Variants in SKAP2 observed in about 807,000 individuals in gnomAD.
SKAP2 encodes src kinase associated phosphoprotein 2, also known as src kinase-associated phosphoprotein 2.
In SKAP2, 28 loss-of-function variants were observed where a neutral mutation model predicts 54.9. That is an observed-to-expected ratio of 0.51 (90% CI 0.38 to 0.70). The LOEUF (loss-of-function observed/expected upper bound fraction) is 0.70, where lower values mean the gene tolerates loss of function less well. Ranked by LOEUF, SKAP2 falls within the 30% of genes least tolerant of loss-of-function variation. SKAP2 has a pLI of 0.00. For missense variants in SKAP2, 356 were observed against 424.1 expected (o/e 0.84, Z 1.41); for synonymous variants, 137 against 134.3 (o/e 1.02, Z -0.14).
At chr7:26,704,826 T>C (rs1373064747) in intron 9 of SKAP2, among the ~76,000 whole-genome samples, 1 of 152,184 alleles carries the variant, frequency 6.6e-6, no homozygotes, top group Non-Finnish European at 1.5e-5. Context: ...AGAATAAAAA[T>C]TTGAGCTCAA....
intron 4 of SKAP2, among the ~76,000 whole-genome samples, chr7:26,833,210 C>T (rs1345713522): frequency 2.0e-5 from 3 of 151,110 alleles, no homozygotes; most frequent in African/African-American, 2.4e-5. Context: ...CTGGCTAACA[C>T]GGTGAAACCC....
intron 9 of SKAP2, among the ~76,000 whole-genome samples, chr7:26,704,663 G>T (rs898215316): frequency 6.6e-6 from 1 of 152,146 alleles, no homozygotes; most frequent in African/African-American, 2.4e-5. Context: ...AGATGTGCTA[G>T]AACTAGTATA....
At chr7:26,750,546 G>A (rs1057287446) in intron 4 of SKAP2, among the ~76,000 whole-genome samples, 2 of 151,886 alleles carry the variant, frequency 1.3e-5, no homozygotes, top group Admixed American at 1.3e-4. Flanking sequence ...CCTGACCTCA[G>A]CTGATCCACC....
At chr7:26,690,218 A>T in intron 10 of SKAP2, 67 bp downstream of exon 10, 8 of 1,157,952 alleles carry the variant, frequency 6.9e-6, no homozygotes, top group Non-Finnish European at 9.1e-6. Flanking sequence ...GAACAGTAAG[A>T]ACATGGATAA....
intron 10 of SKAP2, among the ~76,000 whole-genome samples, chr7:26,686,738 T>C (rs1786651561): frequency 6.6e-6 from 1 of 152,196 alleles, no homozygotes; most frequent in African/African-American, 2.4e-5. Context: ...CCTTGCAGTC[T>C]GTCAGTGTCA....
At chr7:26,753,650 G>C (rs1782731402) in intron 4 of SKAP2, among the ~76,000 whole-genome samples, 1 of 152,152 alleles carries the variant, frequency 6.6e-6, no homozygotes, top group Admixed American at 6.5e-5. Flanking sequence ...GAGAAAGAGA[G>C]GCTGTCATAA....
At chr7:26,857,070 CAA>C (rs1225272441) in intron 1 of SKAP2, among the ~76,000 whole-genome samples, 1 of 148,816 alleles carries the variant, frequency 6.7e-6, no homozygotes, top group Non-Finnish European at 1.5e-5. Flanking sequence ...TATTTTATGA[CAA>C]AGTTTTTTTT....
intron 6 of SKAP2, among the ~76,000 whole-genome samples, chr7:26,727,945 G>A (rs574932681): frequency 3.9e-5 from 6 of 152,206 alleles, no homozygotes; most frequent in Admixed American, 6.5e-5. Flanking sequence ...AAATGCTTTC[G>A]TGTTGTGGGG....
Position 26,684,800 on chromosome 7 carries a change from C to G in SKAP2, c.923G>C (p.Cys308Ser). 6.2e-7 allele frequency: 1 copy of G among 1,612,822 alleles called. No individual in the cohort carries two copies. The highest frequency in any genetic ancestry group is 8.5e-7 in the Non-Finnish European group (1 of 1,179,050). Reference protein sequence around the residue: ...YANFYQGLWDCTGAFSDELSF... With the variant: ...YANFYQGLWDSTGAFSDELSF... ...CAACTCATCAGAAAAAGCTCCAGTA[C>G]AATCCCACAATCCCTGGTAAAAATT... The change falls in exon 11 of 13, where the codon TGT (cysteine) becomes TCT (serine). Residue 308 changes from cysteine (C) to serine (S), a missense_variant. By Grantham distance (112) the Cys-to-Ser change is moderately radical. Coordinates refer to ENST00000345317, the MANE Select transcript of SKAP2 (RefSeq NM_003930.5).
intron 4 of SKAP2, among the ~76,000 whole-genome samples, chr7:26,758,618 A>C (rs1782855689): frequency 6.6e-6 from 1 of 152,186 alleles, no homozygotes; most frequent in African/African-American, 2.4e-5. Context: ...CTTTCAGCTT[A>C]CCCTTTAAGA....
intron 6 of SKAP2, among the ~76,000 whole-genome samples, chr7:26,730,019 G>A (rs1787789228): frequency 6.6e-6 from 1 of 152,140 alleles, no homozygotes; most frequent in Non-Finnish European, 1.5e-5. Flanking sequence ...CAGAAAGGTT[G>A]AACAGAGGAA....
chr7:26,736,637 G>A (rs993236662), intron 6 of SKAP2, among the ~76,000 whole-genome samples: 6 of 152,074 alleles, frequency 3.9e-5, no homozygotes, highest in South Asian at 2.1e-4. Context: ...TTCCCTCTAC[G>A]GATTGGCCTC....
At chr7:26,849,128 G>A (rs1784985783) in intron 3 of SKAP2, among the ~76,000 whole-genome samples, 1 of 152,052 alleles carries the variant, frequency 6.6e-6, no homozygotes, top group South Asian at 2.1e-4. Context: ...GGTTAAAAAA[G>A]GAAATTAAAC....
chr7:26,735,102 C>A (rs555028341), intron 6 of SKAP2, among the ~76,000 whole-genome samples: 4 of 152,220 alleles, frequency 2.6e-5, no homozygotes, highest in African/African-American at 7.2e-5. Context: ...TCCTCCAACC[C>A]CACAGCATCC....
chr7:26,842,875 A>G (rs956034758), intron 4 of SKAP2, among the ~76,000 whole-genome samples: 1 of 146,120 alleles, frequency 6.8e-6, no homozygotes, highest in Non-Finnish European at 1.5e-5. Flanking sequence ...GAAAGTGAAT[A>G]TAACAGCAAA....
chr7:26,664,464 T>G (rs530726195), downstream of SKAP2, among the ~76,000 whole-genome samples: 2 of 151,972 alleles, frequency 1.3e-5, no homozygotes, highest in African/African-American at 4.8e-5. Flanking sequence ...TCTGCTTATT[T>G]GTTGGAATTT....
chr7:26,762,676 A>C (rs62448175), intron 4 of SKAP2, among the ~76,000 whole-genome samples: 8,599 of 152,208 alleles, frequency 0.056, 305 homozygotes, highest in Middle Eastern at 0.11. Flanking sequence ...TCTCTACTAA[A>C]AATACAAAAA....
At chr7:26,663,469 C>T, downstream of SKAP2, among the ~76,000 whole-genome samples, 1 of 152,180 alleles carries the variant, frequency 6.6e-6, no homozygotes, top group South Asian at 2.1e-4. Context: ...GGAATAAGAC[C>T]TTGTACGTAC....
chr7:26,840,696 T>A (rs1784802150), intron 4 of SKAP2, among the ~76,000 whole-genome samples: 1 of 152,066 alleles, frequency 6.6e-6, no homozygotes, highest in East Asian at 1.9e-4. Flanking sequence ...CTATTACGAT[T>A]TTTTTGTTTT....
Sources: gnomAD v4.1 joint callset for allele counts (sites outside exome capture counted in the v4.1 genomes callset) on GRCh38, gnomAD v4.1.1 for gene constraint, MANE v1.5 for transcripts, NCBI Gene and HGNC (gene_info 2026-07-23, HGNC 2026-07-21) for gene names.